ANK2: variants seen among roughly 807,000 people sequenced by gnomAD.
The protein encoded by ANK2 is ankyrin-2.
A neutral mutation model predicts 360.5 loss-of-function variants in ANK2; 83 were observed. That is an observed-to-expected ratio of 0.23 (90% confidence interval 0.19 to 0.28). The LOEUF is 0.28. ANK2 is among the 10% of genes least tolerant of loss of function. The pLI is 1.00. For missense variants in ANK2, 4,201 were observed against 4,795.7 expected, an observed-to-expected ratio of 0.88 and a Z score of 3.66; for synonymous variants, 1,740 against 1,759.5, an observed-to-expected ratio of 0.99 and a Z score of 0.28.
intron 1 of ANK2, among the ~76,000 whole-genome samples, chr4:113,050,581 C>A (rs1435530712): frequency 6.6e-6 from 1 of 152,120 alleles, no homozygotes; most frequent in African/African-American, 2.4e-5. Context: ...TTCTTTATGG[C>A]CTGACTCCTT....
intron 1 of ANK2, among the ~76,000 whole-genome samples, chr4:112,840,469 A>T (rs2061853148): frequency 6.6e-6 from 1 of 152,132 alleles, no homozygotes; most frequent in Admixed American, 6.5e-5. Flanking sequence ...CCAGAAAATC[A>T]GTTCTGGATC....
At chr4:113,051,232 G>C (rs1364520886) in intron 1 of ANK2, among the ~76,000 whole-genome samples, 1 of 152,140 alleles carries the variant, frequency 6.6e-6, no homozygotes, top group Non-Finnish European at 1.5e-5. Flanking sequence ...AGAAAAAAAG[G>C]AATTTTTGTT....
At chr4:112,827,666 T>C in intron 1 of ANK2, 1 of 676,398 alleles carries the variant, frequency 1.5e-6, no homozygotes, top group Non-Finnish European at 2.6e-6. Context: ...ACAAAGAGCA[T>C]TGTTGCACTG....
chr4:113,038,929 G>A (rs2062232992), intron 2 of ANK2, among the ~76,000 whole-genome samples: 1 of 152,036 alleles, frequency 6.6e-6, no homozygotes, highest in Non-Finnish European at 1.5e-5. Flanking sequence ...GACACCACAT[G>A]TATCAGAATG....
At chr4:112,796,410 C>T in the ANK2 span, among the ~76,000 whole-genome samples, 9 of 151,382 alleles carry the variant, frequency 5.9e-5, no homozygotes, top group Non-Finnish European at 1.2e-4. Context: ...GCAACATGAG[C>T]GAAACTCCGT....
At chr4:112,789,801 C>T in the ANK2 span, among the ~76,000 whole-genome samples, 230 of 152,296 alleles carry the variant, frequency 1.5e-3, 1 homozygote, top group African/African-American at 5.3e-3. Context: ...GAACATGAAA[C>T]AAAAGGTGGA....
upstream of ANK2, among the ~76,000 whole-genome samples, chr4:112,814,917 G>A (rs2055530172): frequency 6.6e-6 from 1 of 152,132 alleles, no homozygotes; most frequent in Non-Finnish European, 1.5e-5. Flanking sequence ...TATGGGGGGT[G>A]TTGGTAGGTA....
At chr4:113,159,298 C>A (rs1345757721) in intron 1 of ANK2, among the ~76,000 whole-genome samples, 1 of 151,716 alleles carries the variant, frequency 6.6e-6, no homozygotes, top group Non-Finnish European at 1.5e-5. Flanking sequence ...TATATAGACT[C>A]CCTATGACTG....
the ANK2 span, among the ~76,000 whole-genome samples, chr4:112,774,450 C>T: frequency 2.0e-5 from 3 of 152,100 alleles, no homozygotes; most frequent in Admixed American, 6.5e-5. Context: ...GGCGTGAACC[C>T]GCGTGGCAGA....
chr4:112,747,110 C>T, the ANK2 span, among the ~76,000 whole-genome samples: 1 of 152,158 alleles, frequency 6.6e-6, no homozygotes, highest in Non-Finnish European at 1.5e-5. Context: ...TGAGGAATTC[C>T]TAACAGCATA....
At chr4:112,875,996 T>C (rs1333282955) in intron 1 of ANK2, among the ~76,000 whole-genome samples, 1 of 151,140 alleles carries the variant, frequency 6.6e-6, no homozygotes, top group Non-Finnish European at 1.5e-5. Flanking sequence ...CTCAAGTGAT[T>C]CTCCTACCTT....
chr4:113,381,190 T>C (rs2097160499), intron 45 of ANK2, among the ~76,000 whole-genome samples: 1 of 152,228 alleles, frequency 6.6e-6, no homozygotes, highest in Non-Finnish European at 1.5e-5. Flanking sequence ...CATGGTTTCA[T>C]TTATTTTAAA....
intron 1 of ANK2, among the ~76,000 whole-genome samples, chr4:113,139,102 G>A (rs142157904): frequency 5.3e-5 from 8 of 152,220 alleles, no homozygotes; most frequent in Non-Finnish European, 8.8e-5. Context: ...AACTACCATG[G>A]CATGTGAGTC....
intron 1 of ANK2, among the ~76,000 whole-genome samples, chr4:113,159,606 T>C (rs543215587): frequency 1.3e-5 from 2 of 151,960 alleles, no homozygotes; most frequent in East Asian, 3.9e-4. Context: ...CTTATTTCTT[T>C]ATTTTTTTTT....
In ANK2 at chr4:113,358,411, G is replaced by T. The variant is rs1243433792; in HGVS notation, c.9793G>T (p.Val3265Phe). ...AGATTTTTCCACACTCACCAGGTCT[G>T]TTTATTCAGATAGGGGTGATGATTC... ...QLDFSTLTRS[V>F]YSDRGDDSPD... The change falls in exon 38 of 46, where the codon GTT becomes TTT. Residue 3265 changes from valine (V) to phenylalanine (F), a missense_variant. Physicochemically the swap from Val to Phe is conservative, Grantham distance 50. Transcript: ENST00000357077. 1 of 1,614,090 alleles carries T rather than the reference G, an allele frequency of 6.2e-7. No individual in the cohort carries two copies. The highest frequency in any genetic ancestry group is 8.5e-7 in the Non-Finnish European group (1 of 1,179,968).
chr4:113,187,310 A>G (rs1011545521), intron 2 of ANK2, among the ~76,000 whole-genome samples: 2 of 152,204 alleles, frequency 1.3e-5, no homozygotes, highest in East Asian at 3.9e-4. Context: ...AGAGAAAACC[A>G]TTTATCAGAA....
chr4:112,975,925 A>G (rs1273841830), intron 2 of ANK2, among the ~76,000 whole-genome samples: 2 of 151,146 alleles, frequency 1.3e-5, no homozygotes, highest in Admixed American at 6.6e-5. Context: ...GTTTTAGTTT[A>G]TGTTTAATTT....
chr4:112,948,497 G>T (rs1388156756), intron 2 of ANK2, among the ~76,000 whole-genome samples: 2 of 152,156 alleles, frequency 1.3e-5, no homozygotes, highest in Non-Finnish European at 2.9e-5. Flanking sequence ...AGCCAGAACA[G>T]AATCCGGAAG....
chr4:112,863,514 CTTTTTTTTTTTTT>C lies in ANK2; in HGVS notation c.-39-40927_-39-40915del, dbSNP rs952398354. On this transcript the variant is annotated intron_variant, in intron 1 of 30. Transcript: ENST00000503271. ...TAGAAAACATCTAACTTTAGAGTAT[CTTTTTTTTTTTTT>C]TTTTTTTTTTTTTGAGACGGAGTCT... Among the ~76,000 whole-genome samples, 10 of 106,986 alleles carry C rather than the reference CTTTTTTTTTTTTT, an allele frequency of 9.3e-5. 1 individual carries two copies. In the South Asian group the frequency reaches 1.3e-3, roughly 14 times the overall value. The allele number at this position is 106,986 out of a possible 152,430, so 70.2% of individuals were successfully genotyped here.
Sources: gnomAD v4.1 joint callset for allele counts (sites outside exome capture counted in the v4.1 genomes callset) on GRCh38, gnomAD v4.1.1 for gene constraint, MANE v1.5 for transcripts, NCBI Gene and HGNC (gene_info 2026-07-23, HGNC 2026-07-21) for gene names.